The following CDH8 variants were observed in gnomAD, a reference collection of about 807,000 sequenced individuals.
CDH8 encodes cadherin-8.
Under a neutral mutation model 68.1 loss-of-function variants are expected in CDH8, and 17 were observed. That is an observed-to-expected ratio of 0.25 (90% CI 0.17 to 0.37). The LOEUF (loss-of-function observed/expected upper bound fraction) is 0.37, where lower values mean the gene tolerates loss of function less well. CDH8 is among the 10% of genes least tolerant of loss of function. The pLI is 1.00. For synonymous variants in CDH8, 372 were observed against 365.1 expected (o/e 1.02, Z -0.21); for missense variants, 763 against 999.3 (o/e 0.76, Z 3.19).
At chr16:61,883,942 C>G in intron 3 of CDH8, among the ~76,000 whole-genome samples, 1 of 138,068 alleles carries the variant, frequency 7.2e-6, no homozygotes, top group Admixed American at 7.4e-5. Flanking sequence ...AGAAGCAGAA[C>G]AGTAAACAGT....
intron 10 of CDH8, among the ~76,000 whole-genome samples, chr16:61,675,619 A>T (rs1033543962): frequency 5.4e-4 from 45 of 83,782 alleles, no homozygotes; most frequent in African/African-American, 3.9e-3. Flanking sequence ...TAAAAAAAAT[A>T]AAAAAAATAA....
chr16:61,894,683 C>T (rs1963840068), intron 3 of CDH8, among the ~76,000 whole-genome samples: 1 of 151,998 alleles, frequency 6.6e-6, no homozygotes, highest in Admixed American at 6.6e-5. Flanking sequence ...AGCATTCCTC[C>T]AAAAGAGGAA....
At chr16:61,778,102 C>T (rs1343581995) in intron 8 of CDH8, among the ~76,000 whole-genome samples, 1 of 152,028 alleles carries the variant, frequency 6.6e-6, no homozygotes, top group East Asian at 1.9e-4. Flanking sequence ...CTCTTAACCA[C>T]CTCTGTACCT....
At chr16:61,867,190 A>G (rs1431854379) in intron 3 of CDH8, among the ~76,000 whole-genome samples, 2 of 152,190 alleles carry the variant, frequency 1.3e-5, no homozygotes, top group Non-Finnish European at 2.9e-5. Flanking sequence ...AAAAATATTT[A>G]CTAACTGACA....
chr16:62,007,016 T>G (rs965436799), intron 2 of CDH8, among the ~76,000 whole-genome samples: 1 of 151,976 alleles, frequency 6.6e-6, no homozygotes, highest in Non-Finnish European at 1.5e-5. Flanking sequence ...CAAGTGATTC[T>G]CCTGTTTCAG....
chr16:61,932,814 CTAAACTT>C (rs1383428798), intron 2 of CDH8, among the ~76,000 whole-genome samples: 1 of 152,184 alleles, frequency 6.6e-6, no homozygotes, highest in African/African-American at 2.4e-5. Context: ...GCCTAGTACT[CTAAACTT>C]TAATGTGGAC....
intron 3 of CDH8, among the ~76,000 whole-genome samples, chr16:61,898,864 G>A (rs1441663685): frequency 2.0e-5 from 3 of 151,852 alleles, no homozygotes; most frequent in Admixed American, 6.6e-5. Flanking sequence ...ATAAAGTCAT[G>A]GAAGTCAGAA....
chr16:61,733,489 T>C (rs893051742), intron 8 of CDH8, among the ~76,000 whole-genome samples: 1 of 151,856 alleles, frequency 6.6e-6, no homozygotes, highest in Non-Finnish European at 1.5e-5. Flanking sequence ...AAATATATTG[T>C]GCTTCATCAA....
intron 3 of CDH8, among the ~76,000 whole-genome samples, chr16:61,884,850 A>G (rs1510160): frequency 0.51 from 78,018 of 151,920 alleles, 21,494 homozygotes; most frequent in African/African-American, 0.73. Context: ...CAAAAACTAT[A>G]CATGGAATTC....
At position 61,653,427 on chromosome 16, in the gene CDH8, T is replaced by C; in HGVS notation, c.*181A>G. ...ACACTCCACAAGATTTATAACCTCC[T>C]AACATATACTTTTTTATTTTATTAT... On this transcript the variant is annotated 3_prime_UTR_variant, in exon 12 of 12. Transcript: ENST00000577390. 7.1e-7 allele frequency: 1 copy of C among 1,406,286 alleles called. No homozygotes were observed. 87.1% of individuals were successfully genotyped at this position (1,406,286 alleles called of 1,614,324 possible).
At chr16:61,774,833 G>A (rs961242372) in intron 8 of CDH8, among the ~76,000 whole-genome samples, 8 of 152,106 alleles carry the variant, frequency 5.3e-5, no homozygotes, top group Non-Finnish European at 1.2e-4. Context: ...GCCTTGAACA[G>A]TTATTTAAAA....
intron 2 of CDH8, among the ~76,000 whole-genome samples, chr16:61,962,667 T>C (rs1965177676): frequency 6.6e-6 from 1 of 152,176 alleles, no homozygotes; most frequent in African/African-American, 2.4e-5. Flanking sequence ...GTTCCTTCTG[T>C]TTTTGTAACA....
At chr16:61,661,096 AT>A (rs1273416845) in intron 10 of CDH8, among the ~76,000 whole-genome samples, 11 of 152,060 alleles carry the variant, frequency 7.2e-5, no homozygotes, top group African/African-American at 2.7e-4. Context: ...TAAAACAATT[AT>A]GTTTTTCAGC....
intron 10 of CDH8, among the ~76,000 whole-genome samples, chr16:61,664,859 TA>T (rs752409765): frequency 6.6e-6 from 1 of 152,056 alleles, no homozygotes; most frequent in Non-Finnish European, 1.5e-5. Flanking sequence ...CTCCTATAGT[TA>T]GTCAAGGAGA....
intron 10 of CDH8, among the ~76,000 whole-genome samples, chr16:61,678,828 G>C (rs1963962639): frequency 6.6e-6 from 1 of 152,054 alleles, no homozygotes; most frequent in African/African-American, 2.4e-5. Flanking sequence ...CTTTAAAGCA[G>C]TCCTTATTAC....
intron 2 of CDH8, among the ~76,000 whole-genome samples, chr16:61,912,845 T>C (rs1482613140): frequency 1.3e-5 from 2 of 152,096 alleles, no homozygotes; most frequent in Non-Finnish European, 2.9e-5. Flanking sequence ...CTCTCAAATA[T>C]CATTACCCCA....
intron 4 of CDH8, among the ~76,000 whole-genome samples, chr16:61,830,904 T>G (rs1381181655): frequency 6.6e-6 from 1 of 151,878 alleles, no homozygotes; most frequent in Non-Finnish European, 1.5e-5. Flanking sequence ...ATCACAACTT[T>G]TATTTTTTAC....
intron 2 of CDH8, among the ~76,000 whole-genome samples, chr16:62,019,747 T>C (rs1369316235): frequency 6.6e-6 from 1 of 152,172 alleles, no homozygotes; most frequent in Non-Finnish European, 1.5e-5. Flanking sequence ...AGTGCAGACT[T>C]GTTTCATACA....
intron 3 of CDH8, among the ~76,000 whole-genome samples, chr16:61,878,844 T>C (rs1287081165): frequency 6.6e-6 from 1 of 152,168 alleles, no homozygotes; most frequent in Non-Finnish European, 1.5e-5. Flanking sequence ...AATTTGCATG[T>C]TTAATGAGTG....
Sources: allele counts gnomAD v4.1 joint callset (sites outside exome capture counted in the v4.1 genomes callset), GRCh38; gene constraint gnomAD v4.1.1; transcripts MANE v1.5; gene names NCBI Gene and HGNC (gene_info 2026-07-23, HGNC 2026-07-21).